The following ABCC3 variants were observed in gnomAD, a reference collection of about 807,000 sequenced individuals.
ABCC3 encodes ATP binding cassette subfamily C member 3, also known as ATP-binding cassette sub-family C member 3.
Under a neutral mutation model 165.3 loss-of-function variants are expected in ABCC3, and 121 were observed. The observed-to-expected ratio is 0.73, with a 90% CI of 0.63 to 0.85. ABCC3 has a LOEUF of 0.85. ABCC3 is among the 40% of genes least tolerant of loss of function. ABCC3 has a pLI of 0.00. For missense variants in ABCC3, 1,869 were observed against 1,964.1 expected, an observed-to-expected ratio of 0.95 and a Z score of 0.92; for synonymous variants, 733 against 810.1, an observed-to-expected ratio of 0.90 and a Z score of 1.62.
In ABCC3 at chr17:50,663,669, T is replaced by C; in HGVS notation, c.999-12T>C. The C allele has an allele frequency of 1.9e-6, 3 of 1,613,884 alleles. No homozygotes were observed. Among genetic ancestry groups the C allele is most frequent in the South Asian group, 1.1e-5 (1 of 91,062 alleles). ...CAGCACTGCCCACCTCACTCCTCTC[T>C]CCTCCCCACAGCATCCTGATCAGGT... is the stretch of plus-strand genomic sequence containing the variant. On this transcript the variant is annotated splice_polypyrimidine_tract_variant and intron_variant, in intron 8 of 30. Coordinates refer to ENST00000285238, the MANE Select transcript of ABCC3 (RefSeq NM_003786.4).
intron 23 of ABCC3, among the ~76,000 whole-genome samples, chr17:50,676,915 C>T (rs1348765822): frequency 9.9e-5 from 15 of 150,838 alleles, no homozygotes; most frequent in South Asian, 6.3e-4. Context: ...TCTCGAGTCT[C>T]GCTCTGTCGC....
chr17:50,687,713 T>C lies in ABCC3; in HGVS notation c.4458T>C (p.Thr1486=). The change falls in exon 30 of 31, where the codon ACT becomes ACC. Residue 1486 remains threonine, a synonymous_variant. Transcript: ENST00000285238. ...TVLTIAHRLN[T]IMDYTRVLVL... ...TGACCATCGCACACCGGCTTAACAC[T>C]ATCATGGACTACACCAGGTGGGACA... is the stretch of plus-strand genomic sequence containing the variant. The C allele has an allele frequency of 6.2e-7, 1 of 1,613,866 alleles. No individual in the cohort carries two copies. The highest frequency in any genetic ancestry group is 2.2e-5 in the East Asian group (1 of 44,878).
chr17:50,660,056 TTGG>T (rs1179321046), intron 7 of ABCC3, among the ~76,000 whole-genome samples: 1 of 152,158 alleles, frequency 6.6e-6, no homozygotes, highest in Non-Finnish European at 1.5e-5. Flanking sequence ...GGTCCCCAAG[TTGG>T]TGGTGGCAGA....
At chr17:50,682,604 C>G (rs1296189008) in intron 26 of ABCC3, among the ~76,000 whole-genome samples, 2 of 152,104 alleles carry the variant, frequency 1.3e-5, no homozygotes, top group Non-Finnish European at 2.9e-5. Context: ...GGCTTGTTCC[C>G]TCACCTCCTT....
rs1163700000 is a variant in ABCC3, at chr17:50,677,765, C to A, written c.3400C>A (p.Arg1134=). ...LVQRFYAATS[R]QLKRLESVSR... is the part of the protein sequence containing the mutation. Reference sequence around the variant, plus strand: ...TCAGCGCTTCTATGCAGCCACATCACGGCAACTGAAGCGGCTGGAATCAGT... The same window carrying A: ...TCAGCGCTTCTATGCAGCCACATCAAGGCAACTGAAGCGGCTGGAATCAGT... The change falls in exon 24 of 31, where the codon CGG becomes AGG. Residue 1134 remains arginine (R), a synonymous_variant. Transcript: ENST00000285238. 1 of 1,613,972 alleles carries A rather than the reference C, an allele frequency of 6.2e-7. No individual in the cohort carries two copies. Among genetic ancestry groups the A allele is most frequent in the Admixed American group, 1.7e-5 (1 of 59,996 alleles).
intron 1 of ABCC3, chr17:50,635,186 C>T: frequency 3.5e-6 from 2 of 568,562 alleles, no homozygotes; most frequent in South Asian, 2.5e-5. Flanking sequence ...TGTCGGGGAC[C>T]TGCCCTGCTC....
At position 50,658,203 on chromosome 17, in the gene ABCC3, AC is replaced by A. The variant is rs1196267374; in HGVS notation, c.611del (p.Pro204LeufsTer40). On this transcript the variant is annotated frameshift_variant, in exon 5 of 31. Transcript: ENST00000285238. LOFTEE classifies it high-confidence loss of function. ...KPPFFSAKNV[D>X]PNPYPETSAG... is the part of the protein sequence containing the mutation. ...CCATTTTTCTCCGCAAAGAATGTCG[AC>A]CCTGTGAGTTTCCCATGGAGGGTGC... 6.2e-7 allele frequency: 1 copy of A among 1,614,102 alleles called. No homozygotes were observed. Among genetic ancestry groups the A allele is most frequent in the African/African-American group, 1.3e-5 (1 of 75,006 alleles).
chr17:50,675,452 A>G lies in ABCC3; in HGVS notation c.2690A>G (p.Tyr897Cys), dbSNP rs1004898794. Residue 897 changes from tyrosine to cysteine, a missense_variant, in exon 20 of 31, where the codon TAT becomes TGT. Coordinates refer to ENST00000285238, the MANE Select transcript of ABCC3 (RefSeq NM_003786.4). Reference protein sequence around the residue: ...TDLTDNDPVTYVVQKQFMRQL... With the variant: ...TDLTDNDPVTCVVQKQFMRQL... Reference sequence around the variant, plus strand: ...CTGACAGACAATGATCCAGTCACCTATGTGGTCCAGAAGCAGTTTATGAGG... The same window carrying G: ...CTGACAGACAATGATCCAGTCACCTGTGTGGTCCAGAAGCAGTTTATGAGG... 4.3e-6 allele frequency: 7 copies of G among 1,613,718 alleles called. No individual in the cohort carries two copies. Among genetic ancestry groups the G allele is most frequent in the Non-Finnish European group, 5.9e-6 (7 of 1,179,894 alleles).
intron 1 of ABCC3, among the ~76,000 whole-genome samples, chr17:50,642,155 C>T (rs572992759): frequency 6.6e-6 from 1 of 152,164 alleles, no homozygotes; most frequent in African/African-American, 2.4e-5. Flanking sequence ...GGAAGAGAGA[C>T]AGGAGGAAGG....
intron 1 of ABCC3, among the ~76,000 whole-genome samples, chr17:50,652,974 C>T (rs1458436410): frequency 1.3e-5 from 2 of 152,176 alleles, no homozygotes; most frequent in East Asian, 3.8e-4. Context: ...TGTCAGGTAC[C>T]CTTACTTGGT....
At chr17:50,667,781 T>A (rs1226979141) in intron 12 of ABCC3, 24 bp downstream of exon 12, 2 of 1,613,994 alleles carry the variant, frequency 1.2e-6, no homozygotes, top group Admixed American at 1.7e-5. Context: ...CAGGGCTGGG[T>A]CCCTGCCTCC....
intron 17 of ABCC3, among the ~76,000 whole-genome samples, chr17:50,669,909 C>T (rs997914582): frequency 3.9e-5 from 6 of 152,112 alleles, no homozygotes; most frequent in African/African-American, 1.2e-4. Context: ...GATCCTCTCG[C>T]CTCAGCCTCC....
At chr17:50,674,560 A>T (rs1967760534) in intron 19 of ABCC3, 1 of 152,148 alleles carries the variant, frequency 6.6e-6, no homozygotes, top group Admixed American at 6.6e-5. Flanking sequence ...GTGAGCAAAC[A>T]AAAAAATTAT....
chr17:50,685,349 G>A (rs1171801787), intron 29 of ABCC3, among the ~76,000 whole-genome samples: 2 of 152,166 alleles, frequency 1.3e-5, no homozygotes, highest in African/African-American at 2.4e-5. Flanking sequence ...TGTGTGATTT[G>A]GGGCTAGTTG....
chr17:50,691,079 C>CT lies in ABCC3; in HGVS notation c.4476-7dup, dbSNP rs780981508. 1.9e-6 allele frequency: 3 copies of CT among 1,608,348 alleles called. No individual in the cohort carries two copies. Among genetic ancestry groups the CT allele is most frequent in the Admixed American group, 1.7e-5 (1 of 60,008 alleles). On this transcript the variant is annotated splice_polypyrimidine_tract_variant and intron_variant, in intron 30 of 30. Transcript: ENST00000285238. Reference sequence around the variant, plus strand: ...CTGATGGAAACCTGACCACTTCTCTCTTTTTTGACTAGGGTCCTGGTCCTG... The same window carrying CT: ...CTGATGGAAACCTGACCACTTCTCTCTTTTTTTGACTAGGGTCCTGGTCCTG...
chr17:50,639,721 G>C lies in ABCC3; in HGVS notation c.45+4740G>C, dbSNP rs7224691. Among the ~76,000 whole-genome samples, 1,079 of 152,050 alleles carry C rather than the reference G, an allele frequency of 7.1e-3. 6 individuals carry two copies. Among genetic ancestry groups the C allele is most frequent in the Non-Finnish European group, 0.012 (794 of 67,942 alleles). ...TTGGGGCTGGCAGGGGGCAGGGTGG[G>C]ATAGTGAATGAGAGCCTAACTCTAG... is the stretch of plus-strand genomic sequence containing the variant. On this transcript the variant is annotated intron_variant, in intron 1 of 30. Coordinates refer to ENST00000285238, the MANE Select transcript of ABCC3 (RefSeq NM_003786.4).
Position 50,658,347 on chromosome 17 carries a change from G to A in ABCC3, c.613-88G>A, listed in dbSNP as rs1483579527. 4 of 1,581,862 alleles carry A rather than the reference G, an allele frequency of 2.5e-6. No individual in the cohort carries two copies. In the Admixed American group the frequency reaches 6.7e-5, roughly 26 times the overall value. ...AATCTGTAAACTGGGGCTTGGAGCA[G>A]GAACAAGGGTCCCCTCCATTTCCCT... is the stretch of plus-strand genomic sequence containing the variant. On this transcript the variant is annotated intron_variant, in intron 5 of 30. Transcript: ENST00000285238.
chr17:50,683,498 C>A, intron 26 of ABCC3, 112 bp from the exon 27 acceptor site: 1 of 1,281,404 alleles, frequency 7.8e-7, no homozygotes, highest in Non-Finnish European at 1.0e-6. Context: ...GCCAAGGACC[C>A]TCCCAGGGAC....
Position 50,641,996 on chromosome 17 carries a change from A to G in ABCC3, c.45+7015A>G, listed in dbSNP as rs1424616811. On this transcript the variant is annotated intron_variant, in intron 1 of 30. Coordinates refer to ENST00000285238, the MANE Select transcript of ABCC3 (RefSeq NM_003786.4). ...CAAGAGGTCAAGATTACAGTGGGGA[A>G]AAAAAAAAAAAAAGAACAGTTGAAT... Among the ~76,000 whole-genome samples the G allele has an allele frequency of 4.0e-5, 6 of 149,010 alleles. 1 individual carries two copies. The South Asian group carries it at 1.3e-3, about 31-fold the overall frequency.
Sources: gnomAD v4.1 joint callset for allele counts (sites outside exome capture counted in the v4.1 genomes callset) on GRCh38, gnomAD v4.1.1 for gene constraint, MANE v1.5 for transcripts, NCBI Gene and HGNC (gene_info 2026-07-23, HGNC 2026-07-21) for gene names.